The following TCF7L2 variants were observed in gnomAD, a reference collection of about 807,000 sequenced individuals.
TCF7L2 encodes transcription factor 7-like 2.
TCF7L2 carries 23 observed loss-of-function variants against 77.9 expected under a neutral mutation model. The ratio of observed to expected loss-of-function variants is 0.30; its 90% CI spans 0.21 to 0.42. TCF7L2 has a LOEUF of 0.42. Ranked by LOEUF, TCF7L2 falls within the 10% of genes least tolerant of loss-of-function variation. The pLI is 1.00. For missense variants in TCF7L2, 654 were observed against 793.1 expected, an observed-to-expected ratio of 0.82 and a Z score of 2.11; for synonymous variants, 413 against 340.2, an observed-to-expected ratio of 1.21 and a Z score of -2.36.
intron 4 of TCF7L2, among the ~76,000 whole-genome samples, chr10:112,990,784 C>A (rs1050345941): frequency 6.6e-6 from 1 of 152,168 alleles, no homozygotes; most frequent in South Asian, 2.1e-4. Context: ...CATGGCCAAG[C>A]CACTTTCTCA....
At chr10:113,073,606 C>G (rs565591361) in intron 5 of TCF7L2, among the ~76,000 whole-genome samples, 75 of 150,262 alleles carry the variant, frequency 5.0e-4, no homozygotes, top group African/African-American at 1.8e-3. Context: ...GCGGGAGGAT[C>G]GCTTGAGCCC....
At chr10:112,974,452 T>G (rs1476700633) in intron 4 of TCF7L2, among the ~76,000 whole-genome samples, 1 of 152,006 alleles carries the variant, frequency 6.6e-6, no homozygotes, top group Admixed American at 6.6e-5. Context: ...TTTTTTTTTG[T>G]TTTTGTTTTT....
At chr10:113,111,653 G>A (rs976420084) in intron 5 of TCF7L2, among the ~76,000 whole-genome samples, 7 of 152,008 alleles carry the variant, frequency 4.6e-5, no homozygotes, top group African/African-American at 7.3e-5. Flanking sequence ...TTAGCCAGGC[G>A]TGGTGGCATG....
In TCF7L2 at chr10:113,167,638, C is replaced by T. The variant is rs1214436335; in HGVS notation, c.*1666C>T. 1.6e-5 allele frequency: 3 copies of T among 191,382 alleles called. No individual in the cohort carries two copies. Among genetic ancestry groups the T allele is most frequent in the African/African-American group, 2.3e-5 (1 of 42,990 alleles). 11.9% of individuals were successfully genotyped at this position (191,382 alleles called of 1,614,324 possible). A position where few individuals can be genotyped will look rare whatever the true frequency, so the allele number is the denominator to read the frequency against. On this transcript the variant is annotated 3_prime_UTR_variant, in exon 14 of 14. Transcript: ENST00000627217. Reference sequence around the variant, plus strand: ...ATGCTGTACAGTATCTGTAGCATGCCGTTCTGGATTAATAAAAGCAACTTA... The same window carrying T: ...ATGCTGTACAGTATCTGTAGCATGCTGTTCTGGATTAATAAAAGCAACTTA...
rs370421617 is a variant in TCF7L2 at position 113,044,576 on chromosome 10, CAA to C, written c.552+4452_552+4453del. Reference sequence around the variant, plus strand: ...TGGGAGGCCCTGTGCCAGGTGCCCTCAAAGAGTAGGGGGCCCATGAGGGTATG... The same window carrying C: ...TGGGAGGCCCTGTGCCAGGTGCCCTCAGAGTAGGGGGCCCATGAGGGTATG... On this transcript the variant is annotated intron_variant, in intron 5 of 13. Transcript: ENST00000627217. 2.9e-3 allele frequency among the ~76,000 whole-genome samples: 442 copies of C among 152,266 alleles called. 5 individuals are homozygous for C. The highest frequency in any genetic ancestry group is 0.017 in the Middle Eastern group (5 of 294).
At chr10:113,071,158 C>T (rs1343318189) in intron 5 of TCF7L2, among the ~76,000 whole-genome samples, 1 of 152,124 alleles carries the variant, frequency 6.6e-6, no homozygotes, top group East Asian at 1.9e-4. Flanking sequence ...TGCTTCCTTC[C>T]ACCCTGCCTC....
chr10:112,985,407 T>G (rs932609714), intron 4 of TCF7L2, among the ~76,000 whole-genome samples: 2 of 151,852 alleles, frequency 1.3e-5, no homozygotes, highest in Admixed American at 6.5e-5. Context: ...TTCACTCTTA[T>G]TTTAGTGACC....
chr10:113,107,944 A>C (rs1158040143), intron 5 of TCF7L2, among the ~76,000 whole-genome samples: 2 of 152,130 alleles, frequency 1.3e-5, no homozygotes, highest in East Asian at 3.8e-4. Context: ...CTTAATAAAA[A>C]TAGCAGTGAA....
intron 4 of TCF7L2, among the ~76,000 whole-genome samples, chr10:113,013,878 A>G (rs772643558): frequency 1.3e-5 from 2 of 152,114 alleles, no homozygotes; most frequent in Non-Finnish European, 2.9e-5. Flanking sequence ...TTTTTTGGCT[A>G]TTGTTTTAAG....
intron 5 of TCF7L2, among the ~76,000 whole-genome samples, chr10:113,135,588 T>C (rs2067276635): frequency 6.6e-6 from 1 of 152,236 alleles, no homozygotes; most frequent in African/African-American, 2.4e-5. Flanking sequence ...ACTTTTTCTT[T>C]AGTTTCTTGT....
Position 113,018,444 on chromosome 10 carries a change from CTTTTTTTTT to C in TCF7L2, c.451-21564_451-21556del, listed in dbSNP as rs35916053. 3.8e-4 allele frequency among the ~76,000 whole-genome samples: 35 copies of C among 92,548 alleles called. 1 individual carries two copies. Among genetic ancestry groups the C allele is most frequent in the Non-Finnish European group, 5.9e-4 (30 of 51,084 alleles). 60.7% of individuals were successfully genotyped at this position (92,548 alleles called of 152,430 possible). ...GTCCTTGCAGGCTTTCTCCTGAGTCCTTTTTTTTTTTTTTTTTTTTTTTTTAAAGACAGA... is the reference window on the plus strand; with the variant it reads ...GTCCTTGCAGGCTTTCTCCTGAGTCCTTTTTTTTTTTTTTTTAAAGACAGA... On this transcript the variant is annotated intron_variant, in intron 4 of 13. Transcript: ENST00000627217.
At chr10:112,996,532 A>G (rs1454857220) in intron 4 of TCF7L2, among the ~76,000 whole-genome samples, 1 of 152,166 alleles carries the variant, frequency 6.6e-6, no homozygotes, top group South Asian at 2.1e-4. Context: ...TTCAGCATTT[A>G]GTGTTGGAAC....
chr10:112,999,492 C>G (rs1309817225), intron 4 of TCF7L2, among the ~76,000 whole-genome samples: 2 of 152,182 alleles, frequency 1.3e-5, no homozygotes, highest in Non-Finnish European at 2.9e-5. Context: ...TCTGCAGATA[C>G]CATCTCAATT....
intron 5 of TCF7L2, among the ~76,000 whole-genome samples, chr10:113,060,642 C>T (rs1222838913): frequency 6.6e-6 from 1 of 152,040 alleles, no homozygotes; most frequent in Non-Finnish European, 1.5e-5. Context: ...ACCCAAATTA[C>T]AAGCTAGAGC....
intron 5 of TCF7L2, among the ~76,000 whole-genome samples, chr10:113,052,351 G>A (rs2054621366): frequency 6.6e-6 from 1 of 152,166 alleles, no homozygotes; most frequent in Non-Finnish European, 1.5e-5. Context: ...AGAGGAGAGA[G>A]TAAGAGGCTG....
At chr10:113,138,131 C>T (rs1191099544) in intron 5 of TCF7L2, among the ~76,000 whole-genome samples, 2 of 152,198 alleles carry the variant, frequency 1.3e-5, no homozygotes, top group African/African-American at 4.8e-5. Flanking sequence ...TGTTCTTTCA[C>T]AGGGACCTGC....
intron 5 of TCF7L2, among the ~76,000 whole-genome samples, chr10:113,076,739 G>A (rs1443124021): frequency 1.3e-5 from 2 of 152,190 alleles, no homozygotes; most frequent in Non-Finnish European, 1.5e-5. Context: ...GAAGAGGGCT[G>A]TCACTGTTCT....
At chr10:113,027,685 G>A (rs1010183969) in intron 4 of TCF7L2, among the ~76,000 whole-genome samples, 4 of 152,122 alleles carry the variant, frequency 2.6e-5, no homozygotes, top group Non-Finnish European at 5.9e-5. Flanking sequence ...AAAGGAAACC[G>A]CAGGCAGGGG....
At chr10:113,089,335 T>C in intron 5 of TCF7L2, 1 of 1,551,210 alleles carries the variant, frequency 6.4e-7, no homozygotes, top group Non-Finnish European at 8.7e-7. Context: ...GGGCTGTGTG[T>C]GCCTTGGTGA....
Sources: gnomAD v4.1 joint callset for allele counts (sites outside exome capture counted in the v4.1 genomes callset) on GRCh38, gnomAD v4.1.1 for gene constraint, MANE v1.5 for transcripts, NCBI Gene and HGNC (gene_info 2026-07-23, HGNC 2026-07-21) for gene names.